The following UTP14C variants were observed in gnomAD, a reference collection of about 807,000 sequenced individuals.
The protein encoded by UTP14C is U3 small nucleolar RNA-associated protein 14 homolog C.
Under a neutral mutation model 14.6 loss-of-function variants are expected in UTP14C, and 10 were observed. That is an observed-to-expected ratio of 0.68 (90% CI 0.42 to 1.16). The LOEUF is 1.16. Ranked by LOEUF, UTP14C falls within the 50% of genes most tolerant of loss-of-function variation. UTP14C has a pLI of 0.00. For missense variants in UTP14C, 818 were observed against 890.8 expected, an observed-to-expected ratio of 0.92 and a Z score of 1.04; for synonymous variants, 315 against 331.6, an observed-to-expected ratio of 0.95 and a Z score of 0.54.
chr13:52,031,019 C>T lies in UTP14C; in HGVS notation c.2215C>T (p.Gln739Ter), dbSNP rs199516732. The change falls in exon 2 of 2, where the codon CAG (glutamine) becomes TAG (stop). Residue 739 changes from glutamine to a stop codon, truncating the protein, a stop_gained. Coordinates refer to ENST00000521776, the MANE Select transcript of UTP14C (RefSeq NM_021645.6). LOFTEE classifies it high-confidence loss of function. Reference protein sequence around the residue: ...KPIKAEDVGYQSSSRSDLPVI... With the variant: ...KPIKAEDVGY ...CATAAAAGCAGAGGATGTGGGCTACCAGTCTTCCTCAAGGTCAGACCTGCC... is the reference window on the plus strand; with the variant it reads ...CATAAAAGCAGAGGATGTGGGCTACTAGTCTTCCTCAAGGTCAGACCTGCC... 2 of 1,614,178 alleles carry T rather than the reference C, an allele frequency of 1.2e-6. No individual in the cohort carries two copies. Among genetic ancestry groups the T allele is most frequent in the Admixed American group, 3.3e-5 (2 of 60,026 alleles).
chr13:52,030,808 C>A lies in UTP14C; in HGVS notation c.2004C>A (p.Ile668=). ...ATAAGAATTTGCCAAATGTGATTAT[C>A]AGTGAGAAGCGCAACATCCACGCAG... ...RKDKNLPNVI[I]SEKRNIHAAA... Residue 668 remains isoleucine (I), a synonymous_variant, in exon 2 of 2, where the codon ATC becomes ATA. Transcript: ENST00000521776. The A allele has an allele frequency of 6.2e-7, 1 of 1,614,186 alleles. No individual in the cohort carries two copies. Among genetic ancestry groups the A allele is most frequent in the Non-Finnish European group, 8.5e-7 (1 of 1,180,038 alleles).
chr13:52,029,938 C>T lies in UTP14C; in HGVS notation c.1134C>T (p.Cys378=). ...DGPNPWMFRS[C]TSDTKEAATQ... is the part of the protein sequence containing the mutation. ...CGAATCCCTGGATGTTCAGGAGCTG[C>T]ACCAGTGACACCAAAGAGGCTGCAA... is the stretch of plus-strand genomic sequence containing the variant. The change falls in exon 2 of 2, where the codon TGC becomes TGT. Residue 378 remains cysteine (C), a synonymous_variant. Transcript: ENST00000521776. 1.9e-6 allele frequency: 3 copies of T among 1,614,190 alleles called. No individual in the cohort carries two copies. The highest frequency in any genetic ancestry group is 1.1e-5 in the South Asian group (1 of 91,082).
Position 52,024,781 on chromosome 13 carries a change from G to A in UTP14C, c.-643G>A, listed in dbSNP as rs547958720. 6.2e-7 allele frequency: 1 copy of A among 1,614,210 alleles called. No homozygotes were observed. Among genetic ancestry groups the A allele is most frequent in the East Asian group, 2.2e-5 (1 of 44,888 alleles). On this transcript the variant is annotated 5_prime_UTR_variant, in exon 1 of 2. The change abolishes an upstream ATG in the 5' untranslated region. Transcript: ENST00000521776. Reference sequence around the variant, plus strand: ...TGGAGGTTGTCGTAACAAAGATGATGAACTTAGGGTAAACCAACTGAGAAG... The same window carrying A: ...TGGAGGTTGTCGTAACAAAGATGATAAACTTAGGGTAAACCAACTGAGAAG...
In UTP14C at chr13:52,029,410, A is replaced by T. The variant is rs778216187; in HGVS notation, c.606A>T (p.Leu202Phe). 2 of 1,614,160 alleles carry T rather than the reference A, an allele frequency of 1.2e-6. No individual in the cohort carries two copies. Among genetic ancestry groups the T allele is most frequent in the Admixed American group, 3.3e-5 (2 of 60,000 alleles). The part of the protein sequence containing the change: ...HKNKQPVTDP[L>F]LTPMEKASLQ... ...ACAAGCAGCCAGTGACAGATCCTTTACTGACTCCCATGGAAAAGGCCTCTC... is the reference window on the plus strand; with the variant it reads ...ACAAGCAGCCAGTGACAGATCCTTTTCTGACTCCCATGGAAAAGGCCTCTC... Residue 202 changes from leucine (L) to phenylalanine (F), a missense_variant, in exon 2 of 2, where the codon TTA becomes TTT. Transcript: ENST00000521776.
At position 52,028,311 on chromosome 13, in the gene UTP14C, T is replaced by C. The variant is rs762677157; in HGVS notation, c.-486-8T>C. ...AAAAGATTACATGATTTGTGTTTTT[T>C]TTCTCAGGAGTTGTGGAGTGTATGG... On this transcript the variant is annotated splice_region_variant and splice_polypyrimidine_tract_variant and intron_variant, in intron 1 of 1. Transcript: ENST00000521776. 9 of 1,614,094 alleles carry C rather than the reference T, an allele frequency of 5.6e-6. No individual in the cohort carries two copies. The African/African-American group carries it at 1.1e-4, about 19-fold the overall frequency.
chr13:52,030,655 G>A lies in UTP14C; in HGVS notation c.1851G>A (p.Ala617=), dbSNP rs377057046. ...FLKEKREAVE[A]SKPKDVDLTL... ...AAGAGAAGAGGGAAGCTGTGGAGGC[G>A]AGTAAGCCAAAGGACGTGGACCTGA... The change falls in exon 2 of 2, where the codon GCG becomes GCA. Residue 617 remains alanine (A), a synonymous_variant. Transcript: ENST00000521776. 1.2e-5 allele frequency: 20 copies of A among 1,614,092 alleles called. No individual in the cohort carries two copies. The highest frequency in any genetic ancestry group is 1.1e-4 in the East Asian group (5 of 44,902).
At position 52,029,549 on chromosome 13, in the gene UTP14C, A is replaced by G. The variant is rs1182082483; in HGVS notation, c.745A>G (p.Lys249Glu). 6.2e-7 allele frequency: 1 copy of G among 1,614,218 alleles called. No homozygotes were observed. The highest frequency in any genetic ancestry group is 1.7e-5 in the Admixed American group (1 of 60,022). Residue 249 changes from lysine to glutamate, a missense_variant, in exon 2 of 2, where the codon AAA (lysine) becomes GAA (glutamate). Coordinates refer to ENST00000521776, the MANE Select transcript of UTP14C (RefSeq NM_021645.6). ...KARKEKKIKS[K>E]KYHKVVKKGK... is the part of the protein sequence containing the mutation. The stretch of plus-strand genomic sequence containing the variant: ...TCGAAAAGAGAAGAAAATCAAAAGT[A>G]AAAAGTATCACAAAGTCGTGAAGAA...
Position 52,029,719 on chromosome 13 carries a change from C to G in UTP14C, c.915C>G (p.Ala305=), listed in dbSNP as rs1490974188. The part of the protein sequence containing the change: ...SLKHQNSGKW[A]KSKAIMAKYD... ...AGCACCAAAACAGTGGGAAATGGGC[C>G]AAGTCAAAGGCAATTATGGCCAAAT... The change falls in exon 2 of 2, where the codon GCC becomes GCG. Residue 305 remains alanine, a synonymous_variant. Coordinates refer to ENST00000521776, the MANE Select transcript of UTP14C (RefSeq NM_021645.6). 6.8e-6 allele frequency: 11 copies of G among 1,613,982 alleles called. No individual in the cohort carries two copies. Among genetic ancestry groups the G allele is most frequent in the Admixed American group, 6.7e-5 (4 of 59,998 alleles).
chr13:52,027,376 G>T (rs1008036887), intron 1 of UTP14C, among the ~76,000 whole-genome samples: 2 of 152,076 alleles, frequency 1.3e-5, no homozygotes, highest in African/African-American at 4.8e-5. Context: ...AAAGATGCAG[G>T]TCTCTGAGAA....
rs756649339 is a variant in UTP14C, at chr13:52,024,883, TTGTC to T, written c.-538_-535del. Reference sequence around the variant, plus strand: ...TCCATTTGATGAATTAAAGAATTATTTGTCTGAAGCAACAATTGGTCTGCATACC... The same window carrying T: ...TCCATTTGATGAATTAAAGAATTATTTGAAGCAACAATTGGTCTGCATACC... On this transcript the variant is annotated 5_prime_UTR_variant, in exon 1 of 2. An upstream open reading frame in the 5' UTR gains an earlier in-frame stop. Coordinates refer to ENST00000521776, the MANE Select transcript of UTP14C (RefSeq NM_021645.6). 2 of 1,613,388 alleles carry T rather than the reference TTGTC, an allele frequency of 1.2e-6. No homozygotes were observed. Among genetic ancestry groups the T allele is most frequent in the Non-Finnish European group, 1.7e-6 (2 of 1,180,032 alleles).
rs566245772 is a variant in UTP14C at position 52,028,749 on chromosome 13, G to A, written c.-56G>A. 6.2e-7 allele frequency: 1 copy of A among 1,612,124 alleles called. No homozygotes were observed. Among genetic ancestry groups the A allele is most frequent in the South Asian group, 1.1e-5 (1 of 90,914 alleles). On this transcript the variant is annotated 5_prime_UTR_variant, in exon 2 of 2. Coordinates refer to ENST00000521776, the MANE Select transcript of UTP14C (RefSeq NM_021645.6). Reference sequence around the variant, plus strand: ...AAAAGGAAGTGTTGAAAAGAAAATGGATGACTAGCCTTCGGCTTCCATTCT... The same window carrying A: ...AAAAGGAAGTGTTGAAAAGAAAATGAATGACTAGCCTTCGGCTTCCATTCT...
chr13:52,025,991 G>A (rs1378274970), intron 1 of UTP14C, among the ~76,000 whole-genome samples: 5 of 152,218 alleles, frequency 3.3e-5, no homozygotes, highest in Non-Finnish European at 7.3e-5. Context: ...CGCTTGGGTG[G>A]ATGCTAGGGA....
At position 52,028,514 on chromosome 13, in the gene UTP14C, G is replaced by T. The variant is rs1204420316; in HGVS notation, c.-291G>T. The T allele has an allele frequency of 6.2e-7, 1 of 1,613,996 alleles. No individual in the cohort carries two copies. Among genetic ancestry groups the T allele is most frequent in the African/African-American group, 1.3e-5 (1 of 74,918 alleles). The stretch of plus-strand genomic sequence containing the variant: ...AGACTCCAAATCAGAAAAAGTGCTC[G>T]TGCATCTGTAAGCAGATTCTCTGAT... On this transcript the variant is annotated 5_prime_UTR_variant, in exon 2 of 2. Transcript: ENST00000521776.
At chr13:52,025,066 C>T in intron 1 of UTP14C, 129 bp downstream of exon 1, 1 of 1,046,092 alleles carries the variant, frequency 9.6e-7, no homozygotes. Context: ...ACCAAATGTG[C>T]TTTCCTCACT....
At position 52,029,535 on chromosome 13, in the gene UTP14C, A is replaced by G; in HGVS notation, c.731A>G (p.Lys244Arg). The change falls in exon 2 of 2, where the codon AAG becomes AGG. Residue 244 changes from lysine (K) to arginine (R), a missense_variant. Physicochemically the swap from Lys to Arg is conservative, Grantham distance 26 (BLOSUM62 2). Transcript: ENST00000521776. ...TATGAGGCCAAGGCTCGAAAAGAGA[A>G]GAAAATCAAAAGTAAAAAGTATCAC... ...SYYEAKARKE[K>R]KIKSKKYHKV... is the part of the protein sequence containing the mutation. 6.2e-7 allele frequency: 1 copy of G among 1,614,236 alleles called. No homozygotes were observed. Among genetic ancestry groups the G allele is most frequent in the South Asian group, 1.1e-5 (1 of 91,086 alleles).
At position 52,024,767 on chromosome 13, in the gene UTP14C, G is replaced by A. The variant is rs144883776; in HGVS notation, c.-657G>A. ...AAACTTGTCCTCATTGGAGGTTGTCGTAACAAAGATGATGAACTTAGGGTA... is the reference window on the plus strand; with the variant it reads ...AAACTTGTCCTCATTGGAGGTTGTCATAACAAAGATGATGAACTTAGGGTA... On this transcript the variant is annotated 5_prime_UTR_variant, in exon 1 of 2. Coordinates refer to ENST00000521776, the MANE Select transcript of UTP14C (RefSeq NM_021645.6). 75 of 1,614,080 alleles carry A rather than the reference G, an allele frequency of 4.6e-5. No individual in the cohort carries two copies. Among genetic ancestry groups the A allele is most frequent in the South Asian group, 6.6e-5 (6 of 91,086 alleles).
chr13:52,029,455 A>G lies in UTP14C; in HGVS notation c.651A>G (p.Glu217=), dbSNP rs1954275563. The G allele has an allele frequency of 1.9e-6, 3 of 1,614,094 alleles. No individual in the cohort carries two copies. The highest frequency in any genetic ancestry group is 2.7e-5 in the African/African-American group (2 of 74,940). ...CCTCTCTCCAAGCCATGAGCCTGGA[A>G]GAGGCAAAGATGCACCGAGCAGAGC... ...EKASLQAMSL[E]EAKMHRAELQ... The change falls in exon 2 of 2, where the codon GAA becomes GAG. Residue 217 remains glutamate (E), a synonymous_variant. Transcript: ENST00000521776.
intron 1 of UTP14C, among the ~76,000 whole-genome samples, chr13:52,026,877 C>T (rs150670648): frequency 1.2e-3 from 178 of 152,178 alleles, no homozygotes; most frequent in African/African-American, 4.1e-3. Context: ...TCAAAGCTCC[C>T]GTGGATGTGG....
Position 52,031,077 on chromosome 13 carries a change from C to A in UTP14C, c.2273C>A (p.Thr758Lys), listed in dbSNP as rs1954299306. The change falls in exon 2 of 2, where the codon ACA (threonine) becomes AAA (lysine). Residue 758 changes from threonine to lysine, a missense_variant. Thr to Lys is a moderately conservative substitution (Grantham distance 78). Transcript: ENST00000521776. ...CAGAGGAATCCAAAACGAATCACCA[C>A]ACGTCACAATAAAGAAGAAAAACTG... ...VIQRNPKRIT[T>K]RHNKEEKL The A allele has an allele frequency of 6.2e-7, 1 of 1,613,374 alleles. No individual in the cohort carries two copies. Among genetic ancestry groups the A allele is most frequent in the Non-Finnish European group, 8.5e-7 (1 of 1,179,660 alleles).
Sources: gnomAD v4.1 joint callset for allele counts (sites outside exome capture counted in the v4.1 genomes callset) on GRCh38, gnomAD v4.1.1 for gene constraint, MANE v1.5 for transcripts, NCBI Gene and HGNC (gene_info 2026-07-23, HGNC 2026-07-21) for gene names.